Variants in CRISP2 observed in about 807,000 individuals in gnomAD.
CRISP2 encodes cysteine-rich secretory protein 2.
CRISP2 carries 29 observed loss-of-function variants against 31.7 expected under a neutral mutation model. The ratio of observed to expected loss-of-function variants is 0.92; its 90% CI spans 0.68 to 1.25. CRISP2 has a LOEUF of 1.25. Among genes scored for constraint, CRISP2 ranks in the 50% most tolerant of loss-of-function variants. The probability of loss-of-function intolerance (pLI) is 0.00; values close to 1 mark genes in which losing one functional copy is unlikely to be tolerated. For missense variants in CRISP2, 318 were observed against 286.5 expected (o/e 1.11, Z -0.79); for synonymous variants, 111 against 101.4 (o/e 1.09, Z -0.57).
At chr6:49,686,521 TAGAA>T in the CRISP2 span, among the ~76,000 whole-genome samples, 2 of 152,154 alleles carry the variant, frequency 1.3e-5, no homozygotes, top group African/African-American at 2.4e-5. Context: ...TCACACAAGT[TAGAA>T]AGGCGATCAT....
intron 8 of CRISP2, chr6:49,697,586 G>T: frequency 1.6e-6 from 1 of 618,988 alleles, no homozygotes; most frequent in Non-Finnish European, 2.6e-6. Flanking sequence ...TATTACACAT[G>T]CTCACAGAGT....
At chr6:49,691,569 C>T (rs1764055723), downstream of CRISP2, among the ~76,000 whole-genome samples, 1 of 151,932 alleles carries the variant, frequency 6.6e-6, no homozygotes, top group South Asian at 2.1e-4. Flanking sequence ...TTCATCTATG[C>T]TCATGATAGC....
At chr6:49,698,326 A>T in intron 7 of CRISP2, 36 bp downstream of exon 7, 1 of 1,608,118 alleles carries the variant, frequency 6.2e-7, no homozygotes, top group Non-Finnish European at 8.5e-7. Context: ...CTATTAGAAC[A>T]TCTGTGACAT....
At chr6:49,687,260 TAACA>T in the CRISP2 span, among the ~76,000 whole-genome samples, 6 of 152,212 alleles carry the variant, frequency 3.9e-5, no homozygotes, top group African/African-American at 1.4e-4. Context: ...ATCTTATACT[TAACA>T]AATATACAAT....
Position 49,697,888 on chromosome 6 carries a change from A to G in CRISP2, c.487T>C (p.Tyr163His). ...GGACAATATTGGCAAACATAGTAGT[A>G]TTTTAGACTATCTTGATTGGGACAG... is the stretch of plus-strand genomic sequence containing the variant. ...AYCPNQDSLK[Y>H]YYVCQYCPAG... is the part of the protein sequence containing the mutation. Residue 163 changes from tyrosine (Y) to histidine (H), a missense_variant, in exon 8 of 10, where the codon TAC (tyrosine) becomes CAC (histidine). Coordinates refer to ENST00000339139, the MANE Select transcript of CRISP2 (RefSeq NM_003296.4). 3 of 1,612,350 alleles carry G rather than the reference A, an allele frequency of 1.9e-6. No individual in the cohort carries two copies. The highest frequency in any genetic ancestry group is 2.2e-5 in the South Asian group (2 of 90,744).
intron 8 of CRISP2, 37 bp downstream of exon 8, chr6:49,697,823 A>G: frequency 6.2e-7 from 1 of 1,605,498 alleles, no homozygotes; most frequent in Non-Finnish European, 8.5e-7. Context: ...AATTGCAGAT[A>G]GAATTATTGC....
the CRISP2 span, among the ~76,000 whole-genome samples, chr6:49,686,562 G>A: frequency 6.6e-6 from 1 of 152,214 alleles, no homozygotes; most frequent in African/African-American, 2.4e-5. Context: ...AACAGGTGCT[G>A]GAGTGGATGT....
downstream of CRISP2, among the ~76,000 whole-genome samples, chr6:49,690,153 A>T (rs1764003403): frequency 6.6e-6 from 1 of 152,098 alleles, no homozygotes; most frequent in Non-Finnish European, 1.5e-5. Context: ...TTTAGTCAAT[A>T]CCTGATTGAG....
chr6:49,700,771 G>A lies in CRISP2; in HGVS notation c.80C>T (p.Thr27Ile). The A allele has an allele frequency of 2.5e-6, 4 of 1,602,812 alleles. No individual in the cohort carries two copies. Among genetic ancestry groups the A allele is most frequent in the Non-Finnish European group, 2.6e-6 (3 of 1,171,244 alleles). Residue 27 changes from threonine to isoleucine, a missense_variant, in exon 5 of 10, where the codon ACT (threonine) becomes ATT (isoleucine). By Grantham distance (89) the Thr-to-Ile change is moderately conservative (BLOSUM62 -1). Coordinates refer to ENST00000339139, the MANE Select transcript of CRISP2 (RefSeq NM_003296.4). ...TTGCAACTGGGTGGTTAACAAAGCAGTAAAAGCGGGATCCTAAAAGAAAAT... is the reference window on the plus strand; with the variant it reads ...TTGCAACTGGGTGGTTAACAAAGCAATAAAAGCGGGATCCTAAAAGAAAAT... ...LPAEGKDPAF[T>I]ALLTTQLQVQ...
Position 49,692,717 on chromosome 6 carries a change from C to T in CRISP2, c.*56G>A. 9 of 1,498,882 alleles carry T rather than the reference C, an allele frequency of 6.0e-6. No homozygotes were observed. Among genetic ancestry groups the T allele is most frequent in the Non-Finnish European group, 8.1e-6 (9 of 1,107,506 alleles). 92.8% of individuals were successfully genotyped at this position (1,498,882 alleles called of 1,614,324 possible). ...ACATACAATTTCCACTGGTATGTCG[C>T]AATTAAATGATGCAGCCCTTATCCA... On this transcript the variant is annotated 3_prime_UTR_variant, in exon 10 of 10. Coordinates refer to ENST00000339139, the MANE Select transcript of CRISP2 (RefSeq NM_003296.4).
the CRISP2 span, among the ~76,000 whole-genome samples, chr6:49,677,833 ATAAGGAAATAGG>A: frequency 6.6e-6 from 1 of 152,294 alleles, no homozygotes; most frequent in Non-Finnish European, 1.5e-5. Context: ...CTGGAACTTT[ATAAGGAAATAGG>A]TAATGAAGGC....
chr6:49,700,527 C>T (rs1765483876), intron 5 of CRISP2, 141 bp downstream of exon 5: 5 of 636,486 alleles, frequency 7.9e-6, no homozygotes, highest in South Asian at 3.7e-5. Flanking sequence ...ATACAATCCT[C>T]TCCATATAAT....
At chr6:49,682,571 C>T in the CRISP2 span, among the ~76,000 whole-genome samples, 659 of 103,314 alleles carry the variant, frequency 6.4e-3, 2 homozygotes, top group Non-Finnish European at 8.6e-3. Context: ...CTCTTTCTTT[C>T]TTTTTCTTTC....
At chr6:49,689,126 C>G (rs1158338680), downstream of CRISP2, among the ~76,000 whole-genome samples, 1 of 152,106 alleles carries the variant, frequency 6.6e-6, no homozygotes, top group Non-Finnish European at 1.5e-5. Flanking sequence ...TCCCTGGACT[C>G]CCAAAGTGCT....
Position 49,700,654 on chromosome 6 carries a change from G to A in CRISP2, c.183+14C>T. The A allele has an allele frequency of 6.6e-7, 1 of 1,511,736 alleles. No individual in the cohort carries two copies. The highest frequency in any genetic ancestry group is 9.2e-7 in the Non-Finnish European group (1 of 1,087,454). 93.6% of individuals were successfully genotyped at this position (1,511,736 alleles called of 1,614,324 possible). A position where few individuals can be genotyped will look rare whatever the true frequency, so the allele number is the denominator to read the frequency against. ...GCTGATTCACACCCATCTCCTTACA[G>A]CACTGCCTCTTACCATCTTTAGCAT... On this transcript the variant is annotated intron_variant, in intron 5 of 9. Coordinates refer to ENST00000339139, the MANE Select transcript of CRISP2 (RefSeq NM_003296.4).
At chr6:49,706,319 C>A (rs942593610) in intron 4 of CRISP2, among the ~76,000 whole-genome samples, 7 of 151,978 alleles carry the variant, frequency 4.6e-5, no homozygotes, top group Non-Finnish European at 7.4e-5. Context: ...TATAGTGAAA[C>A]CATTATACCT....
Position 49,699,891 on chromosome 6 carries a change from C to T in CRISP2, c.184G>A (p.Glu62Lys). The change falls in exon 6 of 10, where the codon GAA becomes AAA. Residue 62 changes from glutamate (E) to lysine (K), a missense_variant and splice_region_variant. Coordinates refer to ENST00000339139, the MANE Select transcript of CRISP2 (RefSeq NM_003296.4). ...TTCGTTGTTACCTCTCTGCTCCATT[C>T]CTAAACGTCACAAGAAAACAAAATA... ...SPPASNMLKM[E>K]WSREVTTNAQ... 2 of 1,611,836 alleles carry T rather than the reference C, an allele frequency of 1.2e-6. No homozygotes were observed. The highest frequency in any genetic ancestry group is 1.7e-6 in the Non-Finnish European group (2 of 1,178,650).
chr6:49,689,210 A>G (rs1204328275), downstream of CRISP2, among the ~76,000 whole-genome samples: 1 of 152,108 alleles, frequency 6.6e-6, no homozygotes, highest in Non-Finnish European at 1.5e-5. Flanking sequence ...CCATTCCTAA[A>G]GCATAATTTA....
chr6:49,701,985 A>T (rs1334811294), intron 4 of CRISP2, among the ~76,000 whole-genome samples: 1 of 35,708 alleles, frequency 2.8e-5, no homozygotes, highest in Non-Finnish European at 4.8e-5. Flanking sequence ...TAATATATAT[A>T]ATATAATATA....
Sources: allele counts gnomAD v4.1 joint callset (sites outside exome capture counted in the v4.1 genomes callset), GRCh38; gene constraint gnomAD v4.1.1; transcripts MANE v1.5; gene names NCBI Gene and HGNC (gene_info 2026-07-23, HGNC 2026-07-21).